The following SSBP3 variants were observed in gnomAD, a reference collection of about 807,000 sequenced individuals.
SSBP3 encodes single-stranded DNA-binding protein 3.
Under a neutral mutation model 69.6 loss-of-function variants are expected in SSBP3, and 5 were observed. That is an observed-to-expected ratio of 0.07 (90% confidence interval 0.04 to 0.15). The LOEUF (loss-of-function observed/expected upper bound fraction) is 0.15. SSBP3 is among the 10% of genes least tolerant of loss of function. The pLI is 1.00. For synonymous variants in SSBP3, 196 were observed against 193.4 expected (o/e 1.01, Z -0.11); for missense variants, 312 against 534.0 (o/e 0.58, Z 4.10).
At chr1:54,402,754 G>A (rs1164069587) in intron 3 of SSBP3, among the ~76,000 whole-genome samples, 1 of 152,144 alleles carries the variant, frequency 6.6e-6, no homozygotes, top group African/African-American at 2.4e-5. Flanking sequence ...GATTTTGTAT[G>A]GTCACTCCGA....
chr1:54,324,246 T>C lies in SSBP3; in HGVS notation c.277-42719A>G, dbSNP rs114090675. 6.5e-3 allele frequency among the ~76,000 whole-genome samples: 995 copies of C among 152,320 alleles called. 15 individuals carry two copies. The highest frequency in any genetic ancestry group is 0.022 in the African/African-American group (935 of 41,570). ...GTGGGGATGGACTCTTTCGACAGTC[T>C]TCAGGGCTGCAGACAAAGCCCCTTT... On this transcript the variant is annotated intron_variant, in intron 4 of 17. Transcript: ENST00000610401.
chr1:54,374,265 C>A (rs1647181198), intron 4 of SSBP3, among the ~76,000 whole-genome samples: 1 of 152,218 alleles, frequency 6.6e-6, no homozygotes, highest in African/African-American at 2.4e-5. Context: ...GATCCAGAGA[C>A]TGGGTAGCCA....
At chr1:54,240,943 C>T in exon 13 of SSBP3, 1 of 1,610,948 alleles carries the variant, frequency 6.2e-7, no homozygotes, top group Non-Finnish European at 8.5e-7. Flanking sequence ...TGGAGGACCG[C>T]CACCACCAGG....
rs1037889258 is a variant in SSBP3 at position 54,339,174 on chromosome 1, A to C, written c.277-57647T>G. On this transcript the variant is annotated intron_variant, in intron 4 of 17. Coordinates refer to ENST00000610401, the Ensembl canonical transcript of SSBP3. Reference sequence around the variant, plus strand: ...GCAATCTGTAACAGAAAAAAAAAGAAAAAGAAAAAGAATAGGAAATGGGGG... The same window carrying C: ...GCAATCTGTAACAGAAAAAAAAAGACAAAGAAAAAGAATAGGAAATGGGGG... Among the ~76,000 whole-genome samples the C allele has an allele frequency of 3.9e-5, 6 of 152,336 alleles. No individual in the cohort carries two copies. The South Asian group carries it at 8.3e-4, about 21-fold the overall frequency.
chr1:54,333,158 G>A (rs1260292252), intron 4 of SSBP3, among the ~76,000 whole-genome samples: 1 of 152,194 alleles, frequency 6.6e-6, no homozygotes, highest in Non-Finnish European at 1.5e-5. Context: ...CCTCAACAAA[G>A]CCCTGGGAGC....
intron 1 of SSBP3, among the ~76,000 whole-genome samples, 155 bp downstream of exon 1, chr1:54,405,798 G>A (rs1171443994): frequency 6.9e-6 from 1 of 144,516 alleles, no homozygotes; most frequent in Non-Finnish European, 1.5e-5. Flanking sequence ...CGCCCGCCGC[G>A]GCCTCGGGGA....
At chr1:54,323,204 T>C (rs1646245007) in intron 4 of SSBP3, among the ~76,000 whole-genome samples, 1 of 152,058 alleles carries the variant, frequency 6.6e-6, no homozygotes, top group Admixed American at 6.6e-5. Flanking sequence ...TACTCTTCAG[T>C]GGGGAAAGAA....
chr1:54,331,346 C>G (rs1309666350), intron 4 of SSBP3, among the ~76,000 whole-genome samples: 1 of 152,170 alleles, frequency 6.6e-6, no homozygotes, highest in Admixed American at 6.5e-5. Context: ...AAAAGCTCGC[C>G]CTTCACGTCC....
At chr1:54,280,304 G>A (rs917847663) in intron 5 of SSBP3, among the ~76,000 whole-genome samples, 3 of 152,198 alleles carry the variant, frequency 2.0e-5, no homozygotes, top group African/African-American at 4.8e-5. Context: ...CCTAGGAGAC[G>A]TTTGTCAGGT....
At chr1:54,299,306 C>A (rs1008942072) in intron 4 of SSBP3, among the ~76,000 whole-genome samples, 1 of 152,136 alleles carries the variant, frequency 6.6e-6, no homozygotes, top group African/African-American at 2.4e-5. Flanking sequence ...CATGCTTGAT[C>A]CTCAAACTCC....
At chr1:54,411,000 TA>T (rs1488723045), upstream of SSBP3, among the ~76,000 whole-genome samples, 1 of 152,248 alleles carries the variant, frequency 6.6e-6, no homozygotes, top group African/African-American at 2.4e-5. Context: ...GATTTAAATT[TA>T]AAATCAAATG....
At chr1:54,320,780 A>C (rs1646197918) in intron 4 of SSBP3, among the ~76,000 whole-genome samples, 2 of 152,234 alleles carry the variant, frequency 1.3e-5, no homozygotes, top group African/African-American at 4.8e-5. Flanking sequence ...GCAGATAAGC[A>C]GATAGCTTCA....
At chr1:54,369,842 C>T (rs1647098206) in intron 4 of SSBP3, among the ~76,000 whole-genome samples, 1 of 148,538 alleles carries the variant, frequency 6.7e-6, no homozygotes, top group Non-Finnish European at 1.5e-5. Flanking sequence ...AGATTAGTAC[C>T]CTCGACGGTA....
chr1:54,387,055 A>G (rs758646820), intron 4 of SSBP3, among the ~76,000 whole-genome samples: 14 of 152,214 alleles, frequency 9.2e-5, no homozygotes, highest in Non-Finnish European at 1.6e-4. Flanking sequence ...CCATGAAGTA[A>G]GAACATCCGT....
intron 4 of SSBP3, among the ~76,000 whole-genome samples, chr1:54,392,757 T>C (rs575706793): frequency 6.6e-6 from 1 of 152,202 alleles, no homozygotes; most frequent in East Asian, 1.9e-4. Flanking sequence ...GCCCCAGGAA[T>C]GGGGTGGCAG....
chr1:54,403,335 G>A (rs1570070745), intron 3 of SSBP3, among the ~76,000 whole-genome samples: 1 of 152,210 alleles, frequency 6.6e-6, no homozygotes, highest in Non-Finnish European at 1.5e-5. Flanking sequence ...TCCTCCACAC[G>A]TTAAAGGTTT....
At chr1:54,289,395 G>A in intron 4 of SSBP3, among the ~76,000 whole-genome samples, 1 of 151,898 alleles carries the variant, frequency 6.6e-6, no homozygotes, top group Admixed American at 6.6e-5. Context: ...GTGGGGGGTG[G>A]GGTGGGGGGC....
At position 54,316,071 on chromosome 1, in the gene SSBP3, G is replaced by T. The variant is rs184221801; in HGVS notation, c.277-34544C>A. Among the ~76,000 whole-genome samples, 1,498 of 152,282 alleles carry T rather than the reference G, an allele frequency of 9.8e-3. 31 individuals carry two copies. Among genetic ancestry groups the T allele is most frequent in the African/African-American group, 0.034 (1,423 of 41,576 alleles). On this transcript the variant is annotated intron_variant, in intron 4 of 17. Transcript: ENST00000610401. ...TTCTGGGAATTTATTCTAACTGGGC[G>T]CGGTGGCTCACGCCTGTAATCCCAG...
chr1:54,283,655 C>T (rs1161158847), intron 4 of SSBP3, among the ~76,000 whole-genome samples: 1 of 152,186 alleles, frequency 6.6e-6, no homozygotes, highest in Non-Finnish European at 1.5e-5. Context: ...ATGGGCAAGC[C>T]GCACGTTACT....
Sources: gnomAD v4.1 joint callset for allele counts (sites outside exome capture counted in the v4.1 genomes callset) on GRCh38, gnomAD v4.1.1 for gene constraint, MANE v1.5 for transcripts, NCBI Gene and HGNC (gene_info 2026-07-23, HGNC 2026-07-21) for gene names.